The following ATXN7 variants were observed in gnomAD, a reference collection of about 807,000 sequenced individuals.
The protein encoded by ATXN7 is ataxin-7.
A neutral mutation model predicts 70.5 loss-of-function variants in ATXN7; 12 were observed. That is an observed-to-expected ratio of 0.17 (90% CI 0.11 to 0.28). The LOEUF (loss-of-function observed/expected upper bound fraction) is 0.28, where lower values mean the gene tolerates loss of function less well. Ranked by LOEUF, ATXN7 falls within the 10% of genes least tolerant of loss-of-function variation. The pLI, the probability that ATXN7 is intolerant of heterozygous loss-of-function variation, is 1.00. For synonymous variants in ATXN7, 498 were observed against 448.7 expected, an observed-to-expected ratio of 1.11 and a Z score of -1.39; for missense variants, 1,256 against 1,131.7, an observed-to-expected ratio of 1.11 and a Z score of -1.58.
Position 63,953,050 on chromosome 3 carries a change from G to T in ATXN7, c.499+567G>T, listed in dbSNP as rs145147986. On this transcript the variant is annotated intron_variant, in intron 5 of 12. Transcript: ENST00000674280. ...TAGCAAATCATAAGTATTTGAATAC[G>T]TACCTTGTTTCAGGCATTGAGTATG... Among the ~76,000 whole-genome samples the T allele has an allele frequency of 4.0e-3, 615 of 152,014 alleles. 3 individuals are homozygous for T. Among genetic ancestry groups the T allele is most frequent in the African/African-American group, 0.014 (597 of 41,444 alleles).
intron 5 of ATXN7, among the ~76,000 whole-genome samples, chr3:63,964,681 C>G (rs1368667867): frequency 6.6e-6 from 1 of 152,196 alleles, no homozygotes; most frequent in African/African-American, 2.4e-5. Context: ...AATTTCATCT[C>G]CCACCTCTCC....
intron 4 of ATXN7, among the ~76,000 whole-genome samples, chr3:63,950,705 T>C (rs947025445): frequency 3.3e-5 from 5 of 152,208 alleles, no homozygotes; most frequent in Non-Finnish European, 7.4e-5. Context: ...TGCATAGATA[T>C]AACCTTTCCC....
At chr3:63,987,991 T>C in intron 8 of ATXN7, 68 bp from the exon 9 acceptor site, 1 of 1,572,336 alleles carries the variant, frequency 6.4e-7, no homozygotes, top group Non-Finnish European at 8.7e-7. Context: ...GAGTGGTGTT[T>C]TGGGATATAA....
At chr3:63,886,018 A>G (rs536207352) in intron 1 of ATXN7, among the ~76,000 whole-genome samples, 1 of 152,296 alleles carries the variant, frequency 6.6e-6, no homozygotes, top group Non-Finnish European at 1.5e-5. Flanking sequence ...CAAAAAAAGG[A>G]AAAGAAAATG....
intron 5 of ATXN7, among the ~76,000 whole-genome samples, chr3:63,976,836 C>T (rs1173598686): frequency 6.6e-6 from 1 of 152,172 alleles, no homozygotes; most frequent in Non-Finnish European, 1.5e-5. Flanking sequence ...TCATCAGTGA[C>T]ACACACAGAA....
chr3:63,869,847 A>G (rs1702544345), intron 1 of ATXN7, among the ~76,000 whole-genome samples: 1 of 152,236 alleles, frequency 6.6e-6, no homozygotes, highest in Non-Finnish European at 1.5e-5. Flanking sequence ...TATGATAGGC[A>G]GGTATCCCAA....
At chr3:63,887,423 T>C (rs142546961) in intron 1 of ATXN7, among the ~76,000 whole-genome samples, 191 of 152,358 alleles carry the variant, frequency 1.3e-3, no homozygotes, top group African/African-American at 4.3e-3. Context: ...TTAAGAAGTC[T>C]ATTGTTTCGT....
At chr3:63,909,827 A>G (rs1053352710) in intron 2 of ATXN7, among the ~76,000 whole-genome samples, 4 of 152,202 alleles carry the variant, frequency 2.6e-5, no homozygotes, top group East Asian at 1.9e-4. Flanking sequence ...TCTTGTCTGC[A>G]CATCCTCTTC....
chr3:64,000,921 C>CT lies in ATXN7; in HGVS notation c.*1455dup, dbSNP rs1453573108. 1 of 151,610 alleles carries CT rather than the reference C, an allele frequency of 6.6e-6. No homozygotes were observed. Among genetic ancestry groups the CT allele is most frequent in the Non-Finnish European group, 1.5e-5 (1 of 68,006 alleles). 9.4% of individuals were successfully genotyped at this position (151,610 alleles called of 1,614,324 possible). A position where few individuals can be genotyped will look rare whatever the true frequency, so the allele number is the denominator to read the frequency against. ...TGGGTGCTTCCACCACTACAGGCTC[C>CT]TGACACGAGTAACAGGCACTGTTGC... On this transcript the variant is annotated 3_prime_UTR_variant, in exon 13 of 13. Coordinates refer to ENST00000674280, the MANE Select transcript of ATXN7 (RefSeq NM_001377405.1).
intron 4 of ATXN7, among the ~76,000 whole-genome samples, chr3:63,948,737 C>T (rs2074906936): frequency 6.6e-6 from 1 of 152,116 alleles, no homozygotes; most frequent in Admixed American, 6.5e-5. Context: ...GTGCTTAAAC[C>T]TAATCCTCCC....
rs146464987 is a variant in ATXN7, at chr3:64,001,713, T to C, written c.*2246T>C. The C allele has an allele frequency of 1.7e-3, 263 of 152,342 alleles. No homozygotes were observed. Among genetic ancestry groups the C allele is most frequent in the African/African-American group, 5.8e-3 (242 of 41,574 alleles). 9.4% of individuals were successfully genotyped at this position (152,342 alleles called of 1,614,324 possible). A position where few individuals can be genotyped will look rare whatever the true frequency, so the allele number is the denominator to read the frequency against. ...CATCGGGATTAGGAAATTAGCCATTTTGGATTCTGTCTGCCACAAACAGAC... is the reference window on the plus strand; with the variant it reads ...CATCGGGATTAGGAAATTAGCCATTCTGGATTCTGTCTGCCACAAACAGAC... On this transcript the variant is annotated 3_prime_UTR_variant, in exon 13 of 13. Transcript: ENST00000674280.
chr3:63,982,859 A>G (rs1416029750), intron 7 of ATXN7, 80 bp from the exon 8 acceptor site: 1 of 1,079,992 alleles, frequency 9.3e-7, no homozygotes, highest in East Asian at 2.4e-5. Flanking sequence ...CTAACTGTTG[A>G]TTTCTTCTAT....
intron 4 of ATXN7, among the ~76,000 whole-genome samples, chr3:63,924,782 T>C (rs1704652154): frequency 6.6e-6 from 1 of 152,134 alleles, no homozygotes; most frequent in African/African-American, 2.4e-5. Context: ...AGGGCAAGTA[T>C]GGACAGCTTT....
chr3:63,880,912 C>CTGAGCA (rs1702888177), intron 1 of ATXN7, among the ~76,000 whole-genome samples: 1 of 152,358 alleles, frequency 6.6e-6, no homozygotes, highest in Admixed American at 6.5e-5. Flanking sequence ...CTCCTCAGTG[C>CTGAGCA]TGAGCATGGC....
intron 4 of ATXN7, among the ~76,000 whole-genome samples, chr3:63,926,435 A>G (rs545842629): frequency 6.6e-6 from 1 of 152,346 alleles, no homozygotes; most frequent in South Asian, 2.1e-4. Context: ...GCTTTCACAC[A>G]GAAGGAACAG....
chr3:63,992,229 C>T (rs563846891), intron 11 of ATXN7, among the ~76,000 whole-genome samples: 5 of 152,314 alleles, frequency 3.3e-5, no homozygotes, highest in African/African-American at 9.6e-5. Flanking sequence ...GCAGGACTTA[C>T]ATCCGTTTCC....
In ATXN7 at chr3:63,916,112, A is replaced by G. The variant is rs188993236; in HGVS notation, c.394+2887A>G. On this transcript the variant is annotated intron_variant, in intron 4 of 12. Transcript: ENST00000674280. ...AAAGCTGCTTAACCTTGCATTAGTTATTTCATCTTTCTGAATATACTTTCC... is the reference window on the plus strand; with the variant it reads ...AAAGCTGCTTAACCTTGCATTAGTTGTTTCATCTTTCTGAATATACTTTCC... Among the ~76,000 whole-genome samples the G allele has an allele frequency of 2.2e-3, 333 of 152,294 alleles. 1 individual carries two copies. Among genetic ancestry groups the G allele is most frequent in the African/African-American group, 7.9e-3 (328 of 41,566 alleles).
intron 1 of ATXN7, among the ~76,000 whole-genome samples, chr3:63,886,096 A>G (rs1032067973): frequency 2.0e-5 from 3 of 152,218 alleles, no homozygotes; most frequent in African/African-American, 4.8e-5. Context: ...AAATCCTTTC[A>G]TTTTTGACAA....
intron 1 of ATXN7, among the ~76,000 whole-genome samples, chr3:63,871,484 A>C (rs1422676096): frequency 6.6e-6 from 1 of 152,206 alleles, no homozygotes; most frequent in Non-Finnish European, 1.5e-5. Flanking sequence ...GAATTTAAAG[A>C]AACAGTTGGT....
Sources: allele counts gnomAD v4.1 joint callset (sites outside exome capture counted in the v4.1 genomes callset), GRCh38; gene constraint gnomAD v4.1.1; transcripts MANE v1.5; gene names NCBI Gene and HGNC (gene_info 2026-07-23, HGNC 2026-07-21).